Variants in GID4 observed in about 807,000 individuals in gnomAD.
The protein encoded by GID4 is glucose-induced degradation protein 4 homolog.
Under a neutral mutation model 32.4 loss-of-function variants are expected in GID4, and 7 were observed. That is an observed-to-expected ratio of 0.22 (90% CI 0.12 to 0.41). The LOEUF is 0.41. GID4 is among the 10% of genes least tolerant of loss of function. The pLI is 1.00. For missense variants in GID4, 309 were observed against 400.0 expected, an observed-to-expected ratio of 0.77 and a Z score of 1.94; for synonymous variants, 166 against 170.0, an observed-to-expected ratio of 0.98 and a Z score of 0.18.
Position 18,039,521 on chromosome 17 carries a change from C to T in GID4, c.57C>T (p.Cys19=). Residue 19 remains cysteine (C), a synonymous_variant, in exon 1 of 6, where the codon TGC becomes TGT. Coordinates refer to ENST00000268719, the MANE Select transcript of GID4 (RefSeq NM_024052.5). This position sits in a 1 kb window ranked among gnomAD's most constrained non-coding sequence, Gnocchi z 5.3. ...CCCAGCTCAGGACTGGGAGGCCCTG[C>T]TCGCAGGTCCCTGGGTCCCGGTGGC... ...RGTQLRTGRP[C]SQVPGSRWRP... The T allele has an allele frequency of 7.6e-7, 1 of 1,311,392 alleles. No homozygotes were observed. 81.2% of individuals were successfully genotyped at this position (1,311,392 alleles called of 1,614,324 possible). A position where few individuals can be genotyped will look rare whatever the true frequency, so the allele number is the denominator to read the frequency against.
intron 2 of GID4, among the ~76,000 whole-genome samples, chr17:18,047,510 G>T (rs2044866087): frequency 6.6e-6 from 1 of 152,252 alleles, no homozygotes; most frequent in African/African-American, 2.4e-5. Flanking sequence ...TCGGGAACAA[G>T]TAGCCCTTCC....
At chr17:18,056,653 A>G (rs2044970127) in intron 3 of GID4, 1 of 1,529,648 alleles carries the variant, frequency 6.5e-7, no homozygotes, top group Non-Finnish European at 8.8e-7. Flanking sequence ...GTTGACTACA[A>G]ATTAAATACT....
At chr17:18,040,188 C>T (rs1002220807) in intron 1 of GID4, among the ~76,000 whole-genome samples, 11 of 152,186 alleles carry the variant, frequency 7.2e-5, no homozygotes, top group Admixed American at 7.2e-4. Flanking sequence ...TCCGGAAGCC[C>T]CTCATGACTC....
At chr17:18,048,746 A>G (rs1224871920) in intron 2 of GID4, among the ~76,000 whole-genome samples, 1 of 149,830 alleles carries the variant, frequency 6.7e-6, no homozygotes, top group Admixed American at 6.7e-5. Context: ...AGGTTCAAGC[A>G]ATTCCCATGC....
Position 18,049,330 on chromosome 17 carries a change from C to T in GID4, c.498+4124C>T, listed in dbSNP as rs145898777. ...CAACCTCGGCAACAGAGTGAGACTT[C>T]GTGTCAAAAAAAAAAAAAAAAGGAG... On this transcript the variant is annotated intron_variant, in intron 2 of 5. Coordinates refer to ENST00000268719, the MANE Select transcript of GID4 (RefSeq NM_024052.5). 5.9e-3 allele frequency among the ~76,000 whole-genome samples: 722 copies of T among 123,320 alleles called. 4 individuals carry two copies. Among genetic ancestry groups the T allele is most frequent in the East Asian group, 0.036 (151 of 4,240 alleles). 80.9% of individuals were successfully genotyped at this position (123,320 alleles called of 152,430 possible). A position where few individuals can be genotyped will look rare whatever the true frequency, so the allele number is the denominator to read the frequency against.
At chr17:18,059,569 C>G (rs2045000534) in intron 4 of GID4, among the ~76,000 whole-genome samples, 1 of 152,194 alleles carries the variant, frequency 6.6e-6, no homozygotes, top group Non-Finnish European at 1.5e-5. Flanking sequence ...CTTTTAGCTG[C>G]GAGGTCATTT....
Position 18,045,153 on chromosome 17 carries a change from G to A in GID4, c.445G>A (p.Asp149Asn), listed in dbSNP as rs758076439. 1 of 1,612,968 alleles carries A rather than the reference G, an allele frequency of 6.2e-7. No individual in the cohort carries two copies. Among genetic ancestry groups the A allele is most frequent in the East Asian group, 2.2e-5 (1 of 44,872 alleles). Reference sequence around the variant, plus strand: ...GTGTATCCTTTCTTTTCAGCACGTGGACACGGGGAACTCTTACCTTTGTGG... The same window carrying A: ...GTGTATCCTTTCTTTTCAGCACGTGAACACGGGGAACTCTTACCTTTGTGG... ...YDVEVVLQHV[D>N]TGNSYLCGYL... The change falls in exon 2 of 6, where the codon GAC (aspartate) becomes AAC (asparagine). Residue 149 changes from aspartate (D) to asparagine (N), a missense_variant. Coordinates refer to ENST00000268719, the MANE Select transcript of GID4 (RefSeq NM_024052.5).
In GID4 at chr17:18,039,532, C is replaced by T. The variant is rs1248583561; in HGVS notation, c.68C>T (p.Pro23Leu). ...LRTGRPCSQV[P>L]GSRWRPERLL... is the part of the protein sequence containing the mutation. ...ACTGGGAGGCCCTGCTCGCAGGTCC[C>T]TGGGTCCCGGTGGCGGCCGGAGCGC... The change falls in exon 1 of 6, where the codon CCT becomes CTT. Residue 23 changes from proline (P) to leucine (L), a missense_variant. Physicochemically the swap from Pro to Leu is moderately conservative, Grantham distance 98. This residue lies in a region of GID4 where 193 missense variants were observed against 185.8 expected (regional missense o/e 1.04). Coordinates refer to ENST00000268719, the MANE Select transcript of GID4 (RefSeq NM_024052.5). The surrounding 1 kb of genome is among the most constrained non-coding windows in gnomAD (Gnocchi z 5.3). 3.1e-6 allele frequency: 4 copies of T among 1,308,868 alleles called. No individual in the cohort carries two copies. In the African/African-American group the frequency reaches 6.2e-5, roughly 20 times the overall value. The allele number at this position is 1,308,868 out of a possible 1,614,324, so 81.1% of individuals were successfully genotyped here.
At chr17:18,048,034 G>A (rs2044871740) in intron 2 of GID4, among the ~76,000 whole-genome samples, 1 of 151,422 alleles carries the variant, frequency 6.6e-6, no homozygotes, top group Admixed American at 6.6e-5. Flanking sequence ...CCGAGTAGCT[G>A]GGACTACAGG....
rs1195942739 is a variant in GID4, at chr17:18,066,343, A to G, written c.*1100A>G. 6.6e-6 allele frequency: 1 copy of G among 152,478 alleles called. No individual in the cohort carries two copies. The highest frequency in any genetic ancestry group is 1.9e-4 in the East Asian group (1 of 5,190). The allele number at this position is 152,478 out of a possible 1,614,324, so 9.4% of individuals were successfully genotyped here. A position where few individuals can be genotyped will look rare whatever the true frequency, so the allele number is the denominator to read the frequency against. The stretch of plus-strand genomic sequence containing the variant: ...CAATGCTTGGCGGCAGCCTTCCATG[A>G]GGCAGAAGGGGTCGTCGTTCTCTGA... On this transcript the variant is annotated 3_prime_UTR_variant, in exon 6 of 6. Transcript: ENST00000268719.
chr17:18,053,085 G>A lies in GID4; in HGVS notation c.499-1042G>A, dbSNP rs1456609989. On this transcript the variant is annotated intron_variant, in intron 2 of 5. Transcript: ENST00000268719. ...GGCTGGAGTGCAATGGCGTGATCTCGGCTTACTGCAAACTCCGCCTCCAGG... is the reference window on the plus strand; with the variant it reads ...GGCTGGAGTGCAATGGCGTGATCTCAGCTTACTGCAAACTCCGCCTCCAGG... Among the ~76,000 whole-genome samples the A allele has an allele frequency of 2.2e-5, 3 of 134,232 alleles. No individual in the cohort carries two copies. In the Admixed American group the frequency reaches 2.6e-4, roughly 12 times the overall value. The allele number at this position is 134,232 out of a possible 152,430, so 88.1% of individuals were successfully genotyped here.
chr17:18,054,260 T>A (rs767067706), intron 3 of GID4, 26 bp downstream of exon 3: 2 of 1,355,252 alleles, frequency 1.5e-6, no homozygotes, highest in Non-Finnish European at 2.1e-6. Flanking sequence ...CTGTGCTGGG[T>A]CATCTAGGGG....
At chr17:18,053,009 C>CTTTT (rs71155312) in intron 2 of GID4, among the ~76,000 whole-genome samples, 52 of 83,260 alleles carry the variant, frequency 6.2e-4, no homozygotes, top group Non-Finnish European at 7.6e-4. Flanking sequence ...AAAGTATTTA[C>CTTTT]TTTTTTTTTT....
chr17:18,039,557 C>A lies in GID4; in HGVS notation c.93C>A (p.Arg31=). The change falls in exon 1 of 6, where the codon CGC becomes CGA. Residue 31 remains arginine, a synonymous_variant. Transcript: ENST00000268719. This position sits in a 1 kb window ranked among gnomAD's most constrained non-coding sequence, Gnocchi z 5.3. ...CTGGGTCCCGGTGGCGGCCGGAGCG[C>A]TTGCTCCGCAGGCAGCGGGCGGGTG... ...QVPGSRWRPE[R]LLRRQRAGGR... 2.3e-6 allele frequency: 3 copies of A among 1,305,600 alleles called. No homozygotes were observed. The highest frequency in any genetic ancestry group is 2.9e-6 in the Non-Finnish European group (3 of 1,031,506). 80.9% of individuals were successfully genotyped at this position (1,305,600 alleles called of 1,614,324 possible).
chr17:18,042,449 G>T (rs541662979), intron 1 of GID4, among the ~76,000 whole-genome samples: 8 of 152,214 alleles, frequency 5.3e-5, no homozygotes, highest in African/African-American at 1.7e-4. Flanking sequence ...TGTCCTCAAG[G>T]TTCATCCATA....
At chr17:18,059,076 G>T (rs1246338983) in intron 4 of GID4, 107 bp downstream of exon 4, 2 of 659,252 alleles carry the variant, frequency 3.0e-6, no homozygotes, top group African/African-American at 3.6e-5. Context: ...GCTCGTCACA[G>T]CTGGTTGTCA....
intron 1 of GID4, among the ~76,000 whole-genome samples, chr17:18,043,873 A>G (rs1033661451): frequency 1.3e-5 from 2 of 152,226 alleles, no homozygotes; most frequent in Non-Finnish European, 2.9e-5. Context: ...TAATTCAAGG[A>G]TTTACCTTGT....
Position 18,061,767 on chromosome 17 carries a change from C to G in GID4, c.709-78C>G. 7.2e-7 allele frequency: 1 copy of G among 1,381,636 alleles called. No homozygotes were observed. The highest frequency in any genetic ancestry group is 1.0e-6 in the Non-Finnish European group (1 of 975,076). 85.6% of individuals were successfully genotyped at this position (1,381,636 alleles called of 1,614,324 possible). The stretch of plus-strand genomic sequence containing the variant: ...ATTTTTCTCGAGTGGTCCTTAGAAC[C>G]CCCTGATGCTTAACAGGGAGGCCCC... On this transcript the variant is annotated intron_variant, in intron 4 of 5. Coordinates refer to ENST00000268719, the MANE Select transcript of GID4 (RefSeq NM_024052.5). This position sits in a 1 kb window ranked among gnomAD's most constrained non-coding sequence, Gnocchi z 4.4.
At chr17:18,046,636 T>C (rs974102145) in intron 2 of GID4, among the ~76,000 whole-genome samples, 1 of 147,168 alleles carries the variant, frequency 6.8e-6, no homozygotes, top group South Asian at 2.2e-4. Flanking sequence ...AAAAAAAAAA[T>C]TGGGGTCGGG....
Sources: allele counts gnomAD v4.1 joint callset (sites outside exome capture counted in the v4.1 genomes callset), GRCh38; gene constraint gnomAD v4.1.1; regional missense constraint gnomAD v4.1.1; non-coding constraint Gnocchi (gnomAD v3.1); transcripts MANE v1.5; gene names NCBI Gene and HGNC (gene_info 2026-07-23, HGNC 2026-07-21).